EPB41L5: variants seen among roughly 807,000 people sequenced by gnomAD.
EPB41L5 encodes erythrocyte membrane protein band 4.1 like 5.
In EPB41L5, 55 loss-of-function variants were observed where a neutral mutation model predicts 106.6. The observed-to-expected ratio is 0.52, with a 90% CI of 0.42 to 0.65. The LOEUF is 0.65. Ranked by LOEUF, EPB41L5 falls within the 30% of genes least tolerant of loss-of-function variation. The pLI is 0.00. For missense variants in EPB41L5, 871 were observed against 882.1 expected, an observed-to-expected ratio of 0.99 and a Z score of 0.16; for synonymous variants, 297 against 306.7, an observed-to-expected ratio of 0.97 and a Z score of 0.33.
intron 5 of EPB41L5, among the ~76,000 whole-genome samples, chr2:120,074,910 C>T (rs1353162116): frequency 4.6e-5 from 7 of 152,154 alleles, no homozygotes; most frequent in South Asian, 4.1e-4. Flanking sequence ...TCACCGCAAC[C>T]TCTGTTCCCC....
At chr2:120,101,173 T>C (rs1684121535) in intron 16 of EPB41L5, among the ~76,000 whole-genome samples, 1 of 152,238 alleles carries the variant, frequency 6.6e-6, no homozygotes, top group Non-Finnish European at 1.5e-5. Context: ...AAGGAAAGTA[T>C]ATCCACTACG....
intron 21 of EPB41L5, among the ~76,000 whole-genome samples, chr2:120,163,055 G>A (rs1687202653): frequency 6.6e-6 from 1 of 152,066 alleles, no homozygotes. Flanking sequence ...AGTTTGAGAT[G>A]AGACTGGGCA....
At chr2:120,145,350 T>C (rs1686350055) in intron 19 of EPB41L5, among the ~76,000 whole-genome samples, 2 of 152,226 alleles carry the variant, frequency 1.3e-5, no homozygotes, top group South Asian at 4.1e-4. Flanking sequence ...ATGAAATGTC[T>C]GAATAAAAAG....
intron 21 of EPB41L5, among the ~76,000 whole-genome samples, chr2:120,161,668 G>A (rs979529081): frequency 1.3e-5 from 2 of 152,110 alleles, no homozygotes; most frequent in Middle Eastern, 3.4e-3. Flanking sequence ...CCTGTGCTTC[G>A]GACCGGTACT....
At chr2:120,108,321 A>G (rs982818592) in intron 16 of EPB41L5, 2 of 152,144 alleles carry the variant, frequency 1.3e-5, no homozygotes, top group Non-Finnish European at 2.9e-5. Flanking sequence ...GTACCTCCTC[A>G]TAAAAACAGG....
chr2:120,105,032 C>T lies in EPB41L5; in HGVS notation c.1337+4218C>T. The T allele has an allele frequency of 8.1e-6, 8 of 984,470 alleles. No individual in the cohort carries two copies. In the South Asian group the frequency reaches 1.4e-4, roughly 17 times the overall value. The allele number at this position is 984,470 out of a possible 1,614,324, so 61.0% of individuals were successfully genotyped here. On this transcript the variant is annotated intron_variant, in intron 16 of 24. Coordinates refer to ENST00000263713, the MANE Select transcript of EPB41L5 (RefSeq NM_020909.4). ...ACTGGCTTTTCTCTTTCATCTCATACACCTGACAGATTACCCAGGTTTGCA... is the reference window on the plus strand; with the variant it reads ...ACTGGCTTTTCTCTTTCATCTCATATACCTGACAGATTACCCAGGTTTGCA...
intron 18 of EPB41L5, among the ~76,000 whole-genome samples, chr2:120,138,181 C>A (rs1472173758): frequency 1.3e-5 from 2 of 151,598 alleles, no homozygotes; most frequent in Non-Finnish European, 1.5e-5. Context: ...GAAAAAAAAA[C>A]TAAAAAAACT....
intron 3 of EPB41L5, among the ~76,000 whole-genome samples, chr2:120,058,828 G>C (rs1680836831): frequency 6.6e-6 from 1 of 152,118 alleles, no homozygotes; most frequent in Admixed American, 6.6e-5. Context: ...AAAAGTAAAT[G>C]GAAAGACATT....
chr2:120,161,080 A>T (rs111682911), intron 21 of EPB41L5, 106 bp downstream of exon 21: 3 of 797,496 alleles, frequency 3.8e-6, no homozygotes, highest in African/African-American at 1.7e-5. Flanking sequence ...ACTGGGACTT[A>T]AGATGTGAGA....
At chr2:120,038,026 A>G (rs763970017) in intron 2 of EPB41L5, among the ~76,000 whole-genome samples, 1 of 152,216 alleles carries the variant, frequency 6.6e-6, no homozygotes, top group African/African-American at 2.4e-5. Flanking sequence ...CAGCACAACA[A>G]ATAAGTTGGA....
At position 120,164,945 on chromosome 2, in the gene EPB41L5, A is replaced by G. The variant is rs1687324578; in HGVS notation, c.1962+35A>G. 4 of 1,486,430 alleles carry G rather than the reference A, an allele frequency of 2.7e-6. No homozygotes were observed. The East Asian group carries it at 9.5e-5, about 35-fold the overall frequency. 92.1% of individuals were successfully genotyped at this position (1,486,430 alleles called of 1,614,324 possible). On this transcript the variant is annotated intron_variant, in intron 22 of 24. Transcript: ENST00000263713. ...CTTTAAAATAGTATGATGGAAAGAA[A>G]TTTCTGTTTTGAAAAATGTTCCTGC...
At chr2:120,123,814 T>A (rs183604287) in intron 16 of EPB41L5, among the ~76,000 whole-genome samples, 62 of 151,962 alleles carry the variant, frequency 4.1e-4, no homozygotes, top group African/African-American at 1.4e-3. Context: ...TGTGCCACCA[T>A]GCCCCGCTAA....
intron 20 of EPB41L5, chr2:120,160,421 A>C (rs1687091145): frequency 6.5e-6 from 1 of 153,024 alleles, no homozygotes; most frequent in Admixed American, 6.5e-5. Context: ...CACTTAGGTC[A>C]GTTCCATATT....
intron 20 of EPB41L5, among the ~76,000 whole-genome samples, chr2:120,158,870 T>A (rs1394922398): frequency 6.6e-6 from 1 of 152,216 alleles, no homozygotes; most frequent in Non-Finnish European, 1.5e-5. Context: ...CTCATTAAGC[T>A]GATAAACAAC....
rs1687895203 is a variant in EPB41L5 at position 120,175,692 on chromosome 2, G to T, written c.*785G>T. 1 of 152,056 alleles carries T rather than the reference G, an allele frequency of 6.6e-6. No individual in the cohort carries two copies. Among genetic ancestry groups the T allele is most frequent in the Admixed American group, 6.6e-5 (1 of 15,264 alleles). 9.4% of individuals were successfully genotyped at this position (152,056 alleles called of 1,614,324 possible). On this transcript the variant is annotated 3_prime_UTR_variant, in exon 25 of 25. Coordinates refer to ENST00000263713, the MANE Select transcript of EPB41L5 (RefSeq NM_020909.4). Reference sequence around the variant, plus strand: ...TGGGTTACTGTTGAAGAGACCCTGGGGCATTTACCTCAGGCATCTGCACTC... The same window carrying T: ...TGGGTTACTGTTGAAGAGACCCTGGTGCATTTACCTCAGGCATCTGCACTC...
chr2:120,034,937 C>A (rs1481136595), intron 2 of EPB41L5, among the ~76,000 whole-genome samples: 1 of 152,134 alleles, frequency 6.6e-6, no homozygotes, highest in African/African-American at 2.4e-5. Context: ...CAGTAGTTTT[C>A]TTTTTCATTT....
chr2:120,098,773 G>T (rs1392245432), intron 14 of EPB41L5, among the ~76,000 whole-genome samples: 1 of 152,172 alleles, frequency 6.6e-6, no homozygotes, highest in Non-Finnish European at 1.5e-5. Context: ...CAGCGTTTTA[G>T]CAGGGCCTCT....
intron 20 of EPB41L5, among the ~76,000 whole-genome samples, chr2:120,149,248 C>T (rs935624626): frequency 1.3e-5 from 2 of 152,098 alleles, no homozygotes; most frequent in African/African-American, 4.8e-5. Context: ...GTGTGCAATT[C>T]AATAGTTTTT....
intron 3 of EPB41L5, among the ~76,000 whole-genome samples, chr2:120,057,117 C>T (rs901383202): frequency 6.6e-6 from 1 of 152,100 alleles, no homozygotes; most frequent in Non-Finnish European, 1.5e-5. Flanking sequence ...TGGTCTTGAT[C>T]TCCTGGATGC....
Sources: allele counts gnomAD v4.1 joint callset (sites outside exome capture counted in the v4.1 genomes callset), GRCh38; gene constraint gnomAD v4.1.1; transcripts MANE v1.5; gene names NCBI Gene and HGNC (gene_info 2026-07-23, HGNC 2026-07-21).